The following POC1B variants were observed in gnomAD, a reference collection of about 807,000 sequenced individuals.
POC1B encodes the protein POC1 centriolar protein B.
In POC1B, 44 loss-of-function variants were observed where a neutral mutation model predicts 60.6. That is an observed-to-expected ratio of 0.73 (90% CI 0.57 to 0.93). The LOEUF (loss-of-function observed/expected upper bound fraction) is 0.93, where lower values mean the gene tolerates loss of function less well. Among genes scored for constraint, POC1B ranks in the 40% least tolerant of loss-of-function variants. POC1B has a pLI of 0.00. For synonymous variants in POC1B, 180 were observed against 198.9 expected (o/e 0.90, Z 0.80); for missense variants, 555 against 572.3 (o/e 0.97, Z 0.31).
At chr12:89,456,602 T>C (rs983937507) in intron 10 of POC1B, among the ~76,000 whole-genome samples, 1 of 152,156 alleles carries the variant, frequency 6.6e-6, no homozygotes, top group African/African-American at 2.4e-5. Flanking sequence ...AACAATATTT[T>C]AAAACTATGT....
intron 4 of POC1B, among the ~76,000 whole-genome samples, chr12:89,483,561 T>C (rs985937596): frequency 1.3e-5 from 2 of 152,118 alleles, no homozygotes; most frequent in African/African-American, 4.8e-5. Context: ...AGGGTGTGCT[T>C]CATGAGCTAA....
chr12:89,463,944 TTTTACTCAGCAGATTGAGATTATG>T (rs1882575699), intron 9 of POC1B, among the ~76,000 whole-genome samples: 1 of 152,188 alleles, frequency 6.6e-6, no homozygotes, highest in African/African-American at 2.4e-5. Flanking sequence ...GGCCAAACTA[TTTTACTCAGCAGATTGAGATTATG>T]CAATTCAGAT....
chr12:89,488,923 G>A (rs1202734747), intron 4 of POC1B, among the ~76,000 whole-genome samples: 1 of 152,164 alleles, frequency 6.6e-6, no homozygotes, highest in African/African-American at 2.4e-5. Context: ...CCCAGAGCTG[G>A]CTCACAGTGG....
chr12:89,454,977 G>C (rs1882193083), intron 10 of POC1B, among the ~76,000 whole-genome samples: 1 of 151,876 alleles, frequency 6.6e-6, no homozygotes, highest in Admixed American at 6.6e-5. Flanking sequence ...TTCTAAACTA[G>C]ACTGATGCAT....
downstream of POC1B, among the ~76,000 whole-genome samples, chr12:89,415,180 T>G (rs1358070858): frequency 6.6e-6 from 1 of 152,250 alleles, no homozygotes; most frequent in East Asian, 1.9e-4. Context: ...TAATTTCTTT[T>G]ATATAATCAT....
chr12:89,459,548 C>T lies in POC1B; in HGVS notation c.1113+90G>A, dbSNP rs1413624206. ...GGCTACATAGGCCACGTTTTATCTC[C>T]TCCCCCAACATTTTTTAAAGGAAAA... On this transcript the variant is annotated intron_variant, in intron 10 of 11. Transcript: ENST00000313546. 8.7e-6 allele frequency: 6 copies of T among 691,506 alleles called. No homozygotes were observed. In the African/African-American group the frequency reaches 1.1e-4, roughly 13 times the overall value. The allele number at this position is 691,506 out of a possible 1,614,324, so 42.8% of individuals were successfully genotyped here. A position where few individuals can be genotyped will look rare whatever the true frequency, so the allele number is the denominator to read the frequency against.
chr12:89,425,080 AG>A (rs1328485782), intron 11 of POC1B, 80 bp downstream of exon 11: 1 of 1,403,168 alleles, frequency 7.1e-7, no homozygotes, highest in African/African-American at 1.4e-5. Flanking sequence ...CTGCTCTGCT[AG>A]TTCTGCAACT....
the POC1B span, among the ~76,000 whole-genome samples, chr12:89,406,033 A>G: frequency 6.8e-6 from 1 of 147,322 alleles, no homozygotes; most frequent in Admixed American, 6.8e-5. Context: ...TGGAGGTTAG[A>G]ATTCTGCTTG....
chr12:89,468,830 C>G (rs2120838517), intron 7 of POC1B, among the ~76,000 whole-genome samples: 1 of 151,998 alleles, frequency 6.6e-6, no homozygotes, highest in South Asian at 2.1e-4. Flanking sequence ...TTCTAGACCA[C>G]AAGGCTCATT....
At chr12:89,500,254 T>C in intron 2 of POC1B, 1 of 1,560,736 alleles carries the variant, frequency 6.4e-7, no homozygotes, top group Non-Finnish European at 8.8e-7. Context: ...TTAGCACAAA[T>C]TCTACAAAAT....
At chr12:89,451,850 G>C (rs958428427) in intron 10 of POC1B, among the ~76,000 whole-genome samples, 1 of 152,194 alleles carries the variant, frequency 6.6e-6, no homozygotes, top group Non-Finnish European at 1.5e-5. Context: ...GATGGGTATA[G>C]ATGTGCAGAA....
Position 89,420,093 on chromosome 12 carries a change from T to C in POC1B, c.*1060A>G, listed in dbSNP as rs766813605. On this transcript the variant is annotated 3_prime_UTR_variant, in exon 12 of 12. Coordinates refer to ENST00000313546, the MANE Select transcript of POC1B (RefSeq NM_172240.3). ...CTCCCATTTTTGTTCTTGATACAGG[T>C]TGATAATCAAGCTGAAATTAATTTG... 4.6e-5 allele frequency: 7 copies of C among 152,316 alleles called. No individual in the cohort carries two copies. Among genetic ancestry groups the C allele is most frequent in the Admixed American group, 2.6e-4 (4 of 15,298 alleles). The allele number at this position is 152,316 out of a possible 1,614,324, so 9.4% of individuals were successfully genotyped here.
At chr12:89,500,207 C>G (rs1454946241) in intron 2 of POC1B, 1 of 1,597,320 alleles carries the variant, frequency 6.3e-7, no homozygotes, top group Non-Finnish European at 8.6e-7. Flanking sequence ...GGAAATCTTA[C>G]AAGACTGTTT....
chr12:89,408,717 G>T, the POC1B span, among the ~76,000 whole-genome samples: 1 of 152,240 alleles, frequency 6.6e-6, no homozygotes, highest in South Asian at 2.1e-4. Context: ...TCGATCTCCT[G>T]ACCTCGTAAT....
chr12:89,440,076 A>G (rs1881448782), intron 10 of POC1B, among the ~76,000 whole-genome samples: 1 of 152,160 alleles, frequency 6.6e-6, no homozygotes, highest in Non-Finnish European at 1.5e-5. Flanking sequence ...GCTCCTACCT[A>G]GTGTCCGACA....
At chr12:89,484,111 A>G (rs1868509687) in intron 4 of POC1B, among the ~76,000 whole-genome samples, 1 of 152,344 alleles carries the variant, frequency 6.6e-6, no homozygotes, top group South Asian at 2.1e-4. Flanking sequence ...TGTAATCTCT[A>G]GAGGTTACCA....
chr12:89,483,659 A>T (rs1228508106), intron 4 of POC1B, among the ~76,000 whole-genome samples: 1 of 152,192 alleles, frequency 6.6e-6, no homozygotes, highest in Admixed American at 6.5e-5. Flanking sequence ...ACAAACTCAG[A>T]CCATAGTAAA....
intron 11 of POC1B, among the ~76,000 whole-genome samples, chr12:89,421,618 G>A (rs1212375587): frequency 6.6e-6 from 1 of 152,072 alleles, no homozygotes; most frequent in Non-Finnish European, 1.5e-5. Context: ...GAAGGGGAGG[G>A]GGTGCGAAAT....
At chr12:89,520,792 G>A (rs895334170) in intron 2 of POC1B, 1 of 152,100 alleles carries the variant, frequency 6.6e-6, no homozygotes, top group Non-Finnish European at 1.5e-5. Flanking sequence ...GACTCTTTAC[G>A]AGGCATGCAT....
Sources: gnomAD v4.1 joint callset for allele counts (sites outside exome capture counted in the v4.1 genomes callset) on GRCh38, gnomAD v4.1.1 for gene constraint, MANE v1.5 for transcripts, NCBI Gene and HGNC (gene_info 2026-07-23, HGNC 2026-07-21) for gene names.